The following SPDEF variants were observed in gnomAD, a reference collection of about 807,000 sequenced individuals.
The protein encoded by SPDEF is SAM pointed domain containing ETS transcription factor, also known as SAM pointed domain-containing Ets transcription factor.
A neutral mutation model predicts 36.0 loss-of-function variants in SPDEF; 12 were observed. The observed-to-expected ratio is 0.33, with a 90% CI of 0.21 to 0.54. The LOEUF is 0.54. Among genes scored for constraint, SPDEF ranks in the 20% least tolerant of loss-of-function variants. SPDEF has a pLI of 0.93. For missense variants in SPDEF, 388 were observed against 456.9 expected (o/e 0.85, Z 1.37); for synonymous variants, 205 against 193.0 (o/e 1.06, Z -0.51).
intron 1 of SPDEF, among the ~76,000 whole-genome samples, chr6:34,548,692 TACCTGCCCCTGTGCTGTGGGCACA>T (rs1768000808): frequency 6.6e-6 from 1 of 152,190 alleles, no homozygotes; most frequent in African/African-American, 2.4e-5. Flanking sequence ...TGGCATTTCA[TACCTGCCCCTGTGCTGTGGGCACA>T]ACATGGCTAT....
intron 1 of SPDEF, among the ~76,000 whole-genome samples, chr6:34,547,807 C>A (rs1289740268): frequency 6.6e-6 from 1 of 152,168 alleles, no homozygotes; most frequent in Non-Finnish European, 1.5e-5. Flanking sequence ...TTGCCCTATA[C>A]CTAAATGCCA....
In SPDEF at chr6:34,539,670, G is replaced by A; in HGVS notation, c.635-108C>T. 7.5e-7 allele frequency: 1 copy of A among 1,339,968 alleles called. No individual in the cohort carries two copies. 83.0% of individuals were successfully genotyped at this position (1,339,968 alleles called of 1,614,324 possible). The stretch of plus-strand genomic sequence containing the variant: ...GCCACAGGAGCCCCTCTGTGGCTGG[G>A]GGTTGCCCCTGTGGCTCCCTGCCTC... On this transcript the variant is annotated intron_variant, in intron 3 of 5. Transcript: ENST00000374037. This position sits in a 1 kb window ranked among gnomAD's most constrained non-coding sequence, Gnocchi z 5.2.
In SPDEF at chr6:34,552,307, G is replaced by A. The variant is rs551647069; in HGVS notation, c.-30+3622C>T. 5.8e-4 allele frequency among the ~76,000 whole-genome samples: 88 copies of A among 152,324 alleles called. No individual in the cohort carries two copies. Among genetic ancestry groups the A allele is most frequent in the African/African-American group, 2.1e-3 (86 of 41,594 alleles). On this transcript the variant is annotated intron_variant, in intron 1 of 5. Coordinates refer to ENST00000374037, the MANE Select transcript of SPDEF (RefSeq NM_012391.3). The surrounding 1 kb of genome is among the most constrained non-coding windows in gnomAD (Gnocchi z 4.6). Reference sequence around the variant, plus strand: ...CCCCACAGCCCTGCCCAGCAGGGTCGTTGAGGGCATGAGAACACACGGATG... The same window carrying A: ...CCCCACAGCCCTGCCCAGCAGGGTCATTGAGGGCATGAGAACACACGGATG...
chr6:34,552,382 G>A lies in SPDEF; in HGVS notation c.-30+3547C>T, dbSNP rs1216098175. ...CTGAGGCCCCTTGGCCGATCCTCTT[G>A]GCCTCAGCCTCTTCAGCAGTGAAAC... On this transcript the variant is annotated intron_variant, in intron 1 of 5. Transcript: ENST00000374037. This position sits in a 1 kb window ranked among gnomAD's most constrained non-coding sequence, Gnocchi z 4.6. 2.6e-5 allele frequency among the ~76,000 whole-genome samples: 4 copies of A among 152,156 alleles called. No homozygotes were observed. Among genetic ancestry groups the A allele is most frequent in the Admixed American group, 6.5e-5 (1 of 15,284 alleles).
rs775422581 is a variant in SPDEF at position 34,540,972 on chromosome 6, G to C, written c.634+12C>G. The C allele has an allele frequency of 6.2e-7, 1 of 1,607,378 alleles. No individual in the cohort carries two copies. Among genetic ancestry groups the C allele is most frequent in the Non-Finnish European group, 8.5e-7 (1 of 1,177,424 alleles). The stretch of plus-strand genomic sequence containing the variant: ...CCTGGGAGGGGCTGCTCCCAGCCAT[G>C]CCACATCCTACCTGACTTCCAGATG... On this transcript the variant is annotated intron_variant, in intron 3 of 5. Transcript: ENST00000374037.
Position 34,544,195 on chromosome 6 carries a change from A to G in SPDEF, c.261T>C (p.Pro87=). 10 of 1,613,838 alleles carry G rather than the reference A, an allele frequency of 6.2e-6. No individual in the cohort carries two copies. Among genetic ancestry groups the G allele is most frequent in the Non-Finnish European group, 8.5e-6 (10 of 1,179,942 alleles). Residue 87 remains proline (P), a synonymous_variant, in exon 2 of 6, where the codon CCT becomes CCC. Coordinates refer to ENST00000374037, the MANE Select transcript of SPDEF (RefSeq NM_012391.3). This position sits in a 1 kb window ranked among gnomAD's most constrained non-coding sequence, Gnocchi z 4.4. ...APGASSREEP[P]EEPEQCPVID... ...TGACCGGGCACTGCTCAGGCTCCTC[A>G]GGTGGCTCCTCCCGACTGCTGGCCC...
chr6:34,539,407 A>G lies in SPDEF; in HGVS notation c.683-11T>C. ...CCTCACTGGTCGAGGCTGGGTGGCC[A>G]GGGAGGGTGGCGGTGAGTGGGAATG... On this transcript the variant is annotated splice_polypyrimidine_tract_variant and intron_variant, in intron 4 of 5. Coordinates refer to ENST00000374037, the MANE Select transcript of SPDEF (RefSeq NM_012391.3). This position sits in a 1 kb window ranked among gnomAD's most constrained non-coding sequence, Gnocchi z 5.2. 6.2e-7 allele frequency: 1 copy of G among 1,613,258 alleles called. No homozygotes were observed. The highest frequency in any genetic ancestry group is 8.5e-7 in the Non-Finnish European group (1 of 1,179,900).
chr6:34,544,410 G>C lies in SPDEF; in HGVS notation c.46C>G (p.Leu16Val), dbSNP rs749268958. ...GACACCGTGTCGGGGGGCAGCAGGAGGTGGCTGGGGGATACGCTGCTCAGA... is the reference window on the plus strand; with the variant it reads ...GACACCGTGTCGGGGGGCAGCAGGACGTGGCTGGGGGATACGCTGCTCAGA... ...PGLSSVSPSH[L>V]LLPPDTVSRT... The change falls in exon 2 of 6, where the codon CTC becomes GTC. Residue 16 changes from leucine to valine, a missense_variant. Around this residue, in one of 2 missense-constraint regions of SPDEF, gnomAD observed 308 missense variants for 326.1 expected, o/e 0.94. Transcript: ENST00000374037. This position sits in a 1 kb window ranked among gnomAD's most constrained non-coding sequence, Gnocchi z 4.4. 48 of 1,586,636 alleles carry C rather than the reference G, an allele frequency of 3.0e-5. No homozygotes were observed. Among genetic ancestry groups the C allele is most frequent in the Non-Finnish European group, 4.0e-5 (47 of 1,164,454 alleles).
rs1767910149 is a variant in SPDEF, at chr6:34,544,493, A to G, written c.-29-9T>C. 1.3e-6 allele frequency: 2 copies of G among 1,494,890 alleles called. No homozygotes were observed. Among genetic ancestry groups the G allele is most frequent in the African/African-American group, 1.4e-5 (1 of 71,502 alleles). The allele number at this position is 1,494,890 out of a possible 1,614,324, so 92.6% of individuals were successfully genotyped here. On this transcript the variant is annotated splice_polypyrimidine_tract_variant and intron_variant, in intron 1 of 5. Coordinates refer to ENST00000374037, the MANE Select transcript of SPDEF (RefSeq NM_012391.3). This position sits in a 1 kb window ranked among gnomAD's most constrained non-coding sequence, Gnocchi z 4.4. ...TGGGCTGGCGGCTGTGTCTACGGAA[A>G]TGAAAGAGGACTCAGGTTTGACTGC...
intron 1 of SPDEF, among the ~76,000 whole-genome samples, chr6:34,551,794 C>T (rs1768067180): frequency 6.6e-6 from 1 of 152,148 alleles, no homozygotes; most frequent in South Asian, 2.1e-4. Flanking sequence ...GCCTGGCTCC[C>T]ACCCCAGCAG....
intron 1 of SPDEF, among the ~76,000 whole-genome samples, chr6:34,549,673 G>A (rs1036208422): frequency 6.6e-6 from 1 of 152,168 alleles, no homozygotes; most frequent in African/African-American, 2.4e-5. Context: ...ACCTCCTGGG[G>A]AGATGGTGGT....
chr6:34,539,362 C>G lies in SPDEF; in HGVS notation c.717G>C (p.Glu239Asp). ...STSEESWTDS[E>D]VDSSCSGQPI... ...GCTGCCCGGAGCATGATGAGTCCAC[C>G]TCGCTGTCGGTCCAGCTCTCCTCAC... The change falls in exon 5 of 6, where the codon GAG (glutamate) becomes GAC (aspartate). Residue 239 changes from glutamate (E) to aspartate (D), a missense_variant. Around this residue, in one of 2 missense-constraint regions of SPDEF, gnomAD observed 308 missense variants for 326.1 expected, o/e 0.94. Transcript: ENST00000374037. The surrounding 1 kb of genome is among the most constrained non-coding windows in gnomAD (Gnocchi z 5.2). The G allele has an allele frequency of 1.2e-6, 2 of 1,613,880 alleles. No individual in the cohort carries two copies. The highest frequency in any genetic ancestry group is 2.2e-5 in the South Asian group (2 of 91,090).
rs1768146073 is a variant in SPDEF at position 34,555,329 on chromosome 6, C to G, written c.-30+600G>C. Among the ~76,000 whole-genome samples the G allele has an allele frequency of 6.6e-6, 1 of 152,120 alleles. No individual in the cohort carries two copies. ...CAGGACCCAAGGCTCTCAGCTTCCC[C>G]CAGTGTCCAAGGGCTCAGAGTGTGT... is the stretch of plus-strand genomic sequence containing the variant. On this transcript the variant is annotated intron_variant, in intron 1 of 5. Transcript: ENST00000374037. This position sits in a 1 kb window ranked among gnomAD's most constrained non-coding sequence, Gnocchi z 5.2.
At position 34,541,096 on chromosome 6, in the gene SPDEF, G is replaced by T; in HGVS notation, c.522C>A (p.Ala174=). The T allele has an allele frequency of 6.2e-7, 1 of 1,611,474 alleles. No homozygotes were observed. The highest frequency in any genetic ancestry group is 1.7e-5 in the Admixed American group (1 of 59,760). The change falls in exon 3 of 6, where the codon GCC becomes GCA. Residue 174 remains alanine (A), a synonymous_variant. Transcript: ENST00000374037. The part of the protein sequence containing the change: ...HQYRLPPMGK[A]FQELAGKELC... ...GCTCCTTGCCCGCCAGCTCCTGGAA[G>T]GCCTTGCCCATGGGGGGCAGCCGGT...
intron 2 of SPDEF, among the ~76,000 whole-genome samples, chr6:34,542,077 T>C (rs1400387993): frequency 1.3e-5 from 2 of 151,904 alleles, no homozygotes; most frequent in Non-Finnish European, 2.9e-5. Context: ...GCCCTGTGGG[T>C]GGGGAGGAGG....
rs1767782738 is a variant in SPDEF at position 34,539,940 on chromosome 6, GGCA to G, written c.635-381_635-379del. Among the ~76,000 whole-genome samples the G allele has an allele frequency of 6.6e-6, 1 of 152,212 alleles. No individual in the cohort carries two copies. The highest frequency in any genetic ancestry group is 1.5e-5 in the Non-Finnish European group (1 of 68,038). On this transcript the variant is annotated intron_variant, in intron 3 of 5. Transcript: ENST00000374037. The surrounding 1 kb of genome is among the most constrained non-coding windows in gnomAD (Gnocchi z 5.2). ...CCTCCAAAGCACCTGGCCCTGTGCA[GGCA>G]GCAGTGGGTGCCCACTGAGATCAAG...
chr6:34,546,876 G>A (rs1328262867), intron 1 of SPDEF, among the ~76,000 whole-genome samples: 1 of 152,146 alleles, frequency 6.6e-6, no homozygotes, highest in Non-Finnish European at 1.5e-5. Context: ...GCAAACACTC[G>A]TGTGTGCTGT....
In SPDEF at chr6:34,552,753, C is replaced by T. The variant is rs746906869; in HGVS notation, c.-30+3176G>A. ...ATGAGAAAAGTCCAGAAAGAACTGT[C>T]CTGACAGGCTAAGAACAGAAATTGC... On this transcript the variant is annotated intron_variant, in intron 1 of 5. Coordinates refer to ENST00000374037, the MANE Select transcript of SPDEF (RefSeq NM_012391.3). This position sits in a 1 kb window ranked among gnomAD's most constrained non-coding sequence, Gnocchi z 4.6. 1.8e-4 allele frequency among the ~76,000 whole-genome samples: 28 copies of T among 152,242 alleles called. No individual in the cohort carries two copies. Among genetic ancestry groups the T allele is most frequent in the Non-Finnish European group, 3.7e-4 (25 of 68,038 alleles).
At position 34,552,498 on chromosome 6, in the gene SPDEF, T is replaced by C. The variant is rs1247160961; in HGVS notation, c.-30+3431A>G. The stretch of plus-strand genomic sequence containing the variant: ...AGGCTTCACTGTCTCCCGAGAGGTG[T>C]GTGTCCACAGTGGTGACTGCTGTCT... On this transcript the variant is annotated intron_variant, in intron 1 of 5. Transcript: ENST00000374037. The surrounding 1 kb of genome is among the most constrained non-coding windows in gnomAD (Gnocchi z 4.6). 6.6e-6 allele frequency among the ~76,000 whole-genome samples: 1 copy of C among 152,190 alleles called. No individual in the cohort carries two copies. Among genetic ancestry groups the C allele is most frequent in the Non-Finnish European group, 1.5e-5 (1 of 68,038 alleles).
Sources: gnomAD v4.1 joint callset for allele counts (sites outside exome capture counted in the v4.1 genomes callset) on GRCh38, gnomAD v4.1.1 for gene constraint, gnomAD v4.1.1 regional missense constraint, Gnocchi (gnomAD v3.1) non-coding constraint, MANE v1.5 for transcripts, NCBI Gene and HGNC (gene_info 2026-07-23, HGNC 2026-07-21) for gene names.